IL12A: variants seen among roughly 807,000 people sequenced by gnomAD.
IL12A encodes the protein interleukin-12 subunit alpha.
Under a neutral mutation model 23.5 loss-of-function variants are expected in IL12A, and 16 were observed. That is an observed-to-expected ratio of 0.68 (90% CI 0.46 to 1.03). The LOEUF is 1.03. IL12A is among the 50% of genes least tolerant of loss of function. The pLI is 0.00. For synonymous variants in IL12A, 106 were observed against 111.5 expected (o/e 0.95, Z 0.31); for missense variants, 275 against 307.0 (o/e 0.90, Z 0.78).
At position 159,995,561 on chromosome 3, in the gene IL12A, A is replaced by G. The variant is rs1184173263; in HGVS notation, c.*2A>G. 24 of 1,579,042 alleles carry G rather than the reference A, an allele frequency of 1.5e-5. No homozygotes were observed. The highest frequency in any genetic ancestry group is 2.1e-5 in the Non-Finnish European group (24 of 1,166,298). ...ATGAGCTATCTGAATGCTTCCTAAA[A>G]AGCGAGGTCCCTCCAAACCGTTGTC... On this transcript the variant is annotated 3_prime_UTR_variant, in exon 7 of 7. Coordinates refer to ENST00000305579, the MANE Select transcript of IL12A (RefSeq NM_000882.4).
At chr3:159,990,121 A>G (rs1324098649) in intron 1 of IL12A, 46 bp from the exon 2 acceptor site, 1 of 1,601,934 alleles carries the variant, frequency 6.2e-7, no homozygotes, top group South Asian at 1.1e-5. Context: ...TGGTGCAGGC[A>G]GGCCATCCAG....
Position 159,993,443 on chromosome 3 carries a change from C to T in IL12A, c.379-8C>T, listed in dbSNP as rs753948534. The T allele has an allele frequency of 4.4e-6, 7 of 1,600,994 alleles. No individual in the cohort carries two copies. The South Asian group carries it at 6.7e-5, about 15-fold the overall frequency. ...TTAATACTTTGATATATGATTTTTT[C>T]CCTCTAGAATGAGAGTTGCCTAAAT... is the stretch of plus-strand genomic sequence containing the variant. On this transcript the variant is annotated splice_polypyrimidine_tract_variant and splice_region_variant and intron_variant, in intron 3 of 6. Coordinates refer to ENST00000305579, the MANE Select transcript of IL12A (RefSeq NM_000882.4).
chr3:159,994,579 C>T lies in IL12A; in HGVS notation c.606+735C>T, dbSNP rs1181051074. On this transcript the variant is annotated intron_variant, in intron 6 of 6. Transcript: ENST00000305579. ...GTAATTGTTTTACTTTTATTCTTTT[C>T]GTGTGTGTGTGTGTGTGTGTGTGTG... Among the ~76,000 whole-genome samples the T allele has an allele frequency of 5.2e-5, 7 of 135,744 alleles. No individual in the cohort carries two copies. In the East Asian group the frequency reaches 8.4e-4, roughly 16 times the overall value. The allele number at this position is 135,744 out of a possible 152,430, so 89.1% of individuals were successfully genotyped here. A position where few individuals can be genotyped will look rare whatever the true frequency, so the allele number is the denominator to read the frequency against.
At position 159,995,587 on chromosome 3, in the gene IL12A, AT is replaced by A; in HGVS notation, c.*33del. 1 of 1,528,996 alleles carries A rather than the reference AT, an allele frequency of 6.5e-7. No homozygotes were observed. Among genetic ancestry groups the A allele is most frequent in the South Asian group, 1.3e-5 (1 of 76,930 alleles). 94.7% of individuals were successfully genotyped at this position (1,528,996 alleles called of 1,614,324 possible). On this transcript the variant is annotated 3_prime_UTR_variant, in exon 7 of 7. Transcript: ENST00000305579. ...AGCGAGGTCCCTCCAAACCGTTGTC[AT>A]TTTTATAAAACTTTGAAATGAGGAA...
chr3:159,989,977 C>G (rs1720240777), intron 1 of IL12A, among the ~76,000 whole-genome samples, 190 bp from the exon 2 acceptor site: 1 of 152,090 alleles, frequency 6.6e-6, no homozygotes. Context: ...GGCTTCTAGC[C>G]CTAGAATAGA....
intron 6 of IL12A, among the ~76,000 whole-genome samples, chr3:159,994,748 A>G (rs1195026601): frequency 6.6e-6 from 1 of 152,060 alleles, no homozygotes; most frequent in Non-Finnish European, 1.5e-5. Flanking sequence ...TGCTAGAATC[A>G]ATTCTACCAG....
intron 6 of IL12A, among the ~76,000 whole-genome samples, 172 bp downstream of exon 6, chr3:159,994,016 G>T (rs1720409599): frequency 6.6e-6 from 1 of 152,180 alleles, no homozygotes; most frequent in African/African-American, 2.4e-5. Context: ...ACAAATGTGA[G>T]CAGATCACAT....
At position 159,993,442 on chromosome 3, in the gene IL12A, T is replaced by C. The variant is rs1720386906; in HGVS notation, c.379-9T>C. 1.9e-6 allele frequency: 3 copies of C among 1,602,724 alleles called. No individual in the cohort carries two copies. Among genetic ancestry groups the C allele is most frequent in the East Asian group, 2.2e-5 (1 of 44,802 alleles). On this transcript the variant is annotated splice_polypyrimidine_tract_variant and intron_variant, in intron 3 of 6. Coordinates refer to ENST00000305579, the MANE Select transcript of IL12A (RefSeq NM_000882.4). Reference sequence around the variant, plus strand: ...ATTAATACTTTGATATATGATTTTTTCCCTCTAGAATGAGAGTTGCCTAAA... The same window carrying C: ...ATTAATACTTTGATATATGATTTTTCCCCTCTAGAATGAGAGTTGCCTAAA...
chr3:159,990,027 GAAGGAA>G (rs1330102338), intron 1 of IL12A, 134 bp from the exon 2 acceptor site: 1 of 782,736 alleles, frequency 1.3e-6, no homozygotes, highest in Non-Finnish European at 2.1e-6. Context: ...CTCAGGTGTT[GAAGGAA>G]AAGTGTTGGA....
intron 2 of IL12A, 102 bp downstream of exon 2, chr3:159,990,414 G>A: frequency 2.4e-6 from 3 of 1,236,706 alleles, no homozygotes; most frequent in South Asian, 2.9e-5. Context: ...GAGAAATTGT[G>A]GAAGTTCATT....
chr3:159,991,468 G>A (rs924490388), intron 2 of IL12A, among the ~76,000 whole-genome samples: 5 of 152,162 alleles, frequency 3.3e-5, no homozygotes, highest in African/African-American at 1.2e-4. Context: ...CAAAATTCTA[G>A]CTTCTCTTGA....
chr3:159,994,579 C>CGT (rs60659167), intron 6 of IL12A, among the ~76,000 whole-genome samples: 17,984 of 135,562 alleles, frequency 0.13, 1,166 homozygotes, highest in African/African-American at 0.18. Context: ...TTATTCTTTT[C>CGT]GTGTGTGTGT....
At chr3:159,992,557 A>G (rs1028424719) in intron 2 of IL12A, among the ~76,000 whole-genome samples, 4 of 152,232 alleles carry the variant, frequency 2.6e-5, no homozygotes, top group African/African-American at 9.6e-5. Context: ...ACTGCAAATT[A>G]AATCTCAGCT....
chr3:159,988,932 CCCG>C lies in IL12A; in HGVS notation c.-123_-121del. 1.2e-6 allele frequency: 1 copy of C among 826,266 alleles called. No homozygotes were observed. The highest frequency in any genetic ancestry group is 2.0e-6 in the Non-Finnish European group (1 of 509,592). 51.2% of individuals were successfully genotyped at this position (826,266 alleles called of 1,614,324 possible). A position where few individuals can be genotyped will look rare whatever the true frequency, so the allele number is the denominator to read the frequency against. ...GAGTTAATCCGAAAGCGCCGCAAGC[CCCG>C]CGGGCCGGCCGCACCGCACGTGTCA... On this transcript the variant is annotated 5_prime_UTR_variant, in exon 1 of 7. Coordinates refer to ENST00000305579, the MANE Select transcript of IL12A (RefSeq NM_000882.4).
At chr3:159,993,371 T>C in intron 3 of IL12A, 80 bp from the exon 4 acceptor site, 3 of 1,090,822 alleles carry the variant, frequency 2.8e-6, no homozygotes, top group Non-Finnish European at 4.0e-6. Flanking sequence ...TTTACCATAA[T>C]AAAAAAAATT....
Position 159,989,010 on chromosome 3 carries a change from A to G in IL12A, c.-47A>G. The G allele has an allele frequency of 7.0e-7, 1 of 1,420,848 alleles. No homozygotes were observed. The allele number at this position is 1,420,848 out of a possible 1,614,324, so 88.0% of individuals were successfully genotyped here. On this transcript the variant is annotated 5_prime_UTR_variant, in exon 1 of 7. Transcript: ENST00000305579. ...CACAGAAGGAGACAGAAAGCAAGAG[A>G]CCAGAGTCCCGGGAAAGTCCTGCCG...
intron 6 of IL12A, among the ~76,000 whole-genome samples, chr3:159,994,735 G>A (rs972244801): frequency 1.4e-4 from 22 of 151,970 alleles, no homozygotes; most frequent in Admixed American, 1.2e-3. Flanking sequence ...TGGGTGATTT[G>A]GGTGCTAGAA....
intron 6 of IL12A, chr3:159,994,170 AC>A: frequency 4.6e-6 from 1 of 216,554 alleles, no homozygotes; most frequent in Non-Finnish European, 9.3e-6. Context: ...GAGTTAAACC[AC>A]TTGTCTGAGG....
chr3:159,989,455 G>A (rs890907994), intron 1 of IL12A, among the ~76,000 whole-genome samples: 3 of 152,176 alleles, frequency 2.0e-5, no homozygotes, highest in Non-Finnish European at 2.9e-5. Context: ...GGGTCCCTCA[G>A]CTACAAACAG....
Sources: gnomAD v4.1 joint callset for allele counts (sites outside exome capture counted in the v4.1 genomes callset) on GRCh38, gnomAD v4.1.1 for gene constraint, MANE v1.5 for transcripts, NCBI Gene and HGNC (gene_info 2026-07-23, HGNC 2026-07-21) for gene names.